AQR: variants seen among roughly 807,000 people sequenced by gnomAD.
AQR encodes the protein RNA helicase aquarius.
Under a neutral mutation model 180.5 loss-of-function variants are expected in AQR, and 61 were observed. The observed-to-expected ratio is 0.34, with a 90% CI of 0.28 to 0.42. The LOEUF (loss-of-function observed/expected upper bound fraction) is 0.42. AQR is among the 10% of genes least tolerant of loss of function. The pLI, the probability that AQR is intolerant of heterozygous loss-of-function variation, is 1.00. For synonymous variants in AQR, 551 were observed against 588.8 expected, an observed-to-expected ratio of 0.94 and a Z score of 0.93; for missense variants, 1,281 against 1,798.3, an observed-to-expected ratio of 0.71 and a Z score of 5.20.
chr15:34,944,041 A>G (rs1894070790), intron 6 of AQR, among the ~76,000 whole-genome samples: 1 of 152,208 alleles, frequency 6.6e-6, no homozygotes, highest in Non-Finnish European at 1.5e-5. Flanking sequence ...TTTTCTTAAG[A>G]GTCTAGATAG....
Position 34,904,321 on chromosome 15 carries a change from A to T in AQR, c.2001+15T>A. 6.5e-7 allele frequency: 1 copy of T among 1,545,886 alleles called. No individual in the cohort carries two copies. The highest frequency in any genetic ancestry group is 1.4e-5 in the African/African-American group (1 of 72,504). On this transcript the variant is annotated intron_variant, in intron 19 of 34. Coordinates refer to ENST00000156471, the MANE Select transcript of AQR (RefSeq NM_014691.3). ...ATTATGACATAGTACTTTTAGTTAC[A>T]TACCCCCAAATTACCTTAAAGTTAT... is the stretch of plus-strand genomic sequence containing the variant.
At chr15:34,952,408 T>C (rs1057252164) in intron 4 of AQR, among the ~76,000 whole-genome samples, 3 of 152,246 alleles carry the variant, frequency 2.0e-5, no homozygotes, top group Non-Finnish European at 4.4e-5. Flanking sequence ...ACAACAATCC[T>C]GGCTCTTATT....
rs1385103196 is a variant in AQR, at chr15:34,946,436, G to GGC, written c.330+1827_330+1828insGC. 1.9e-3 allele frequency among the ~76,000 whole-genome samples: 267 copies of GGC among 142,894 alleles called. 27 individuals are homozygous for GGC. Among genetic ancestry groups the GGC allele is most frequent in the Middle Eastern group, 4.1e-3 (1 of 244 alleles). The allele number at this position is 142,894 out of a possible 152,430, so 93.7% of individuals were successfully genotyped here. ...GCCCCGTCCGGGAGGGAGGTGGGGG[G>GGC]GGTCAGCCCCCCGCCCGGCCAGCCG... On this transcript the variant is annotated intron_variant, in intron 5 of 34. Transcript: ENST00000156471.
At position 34,903,862 on chromosome 15, in the gene AQR, C is replaced by T. The variant is rs142103143; in HGVS notation, c.2001+474G>A. ...AAAGTAGAACTTTGAGCCACCAAAC[C>T]TCCCTTTCCTACTAATGAGTAAAAA... On this transcript the variant is annotated intron_variant, in intron 19 of 34. Coordinates refer to ENST00000156471, the MANE Select transcript of AQR (RefSeq NM_014691.3). Among the ~76,000 whole-genome samples the T allele has an allele frequency of 3.9e-4, 31 of 80,318 alleles. No homozygotes were observed. In the East Asian group the frequency reaches 9.1e-3, roughly 23 times the overall value. The allele number at this position is 80,318 out of a possible 152,430, so 52.7% of individuals were successfully genotyped here. A position where few individuals can be genotyped will look rare whatever the true frequency, so the allele number is the denominator to read the frequency against.
intron 19 of AQR, among the ~76,000 whole-genome samples, chr15:34,902,814 A>T (rs1418072543): frequency 1.3e-5 from 2 of 152,108 alleles, no homozygotes; most frequent in Non-Finnish European, 2.9e-5. Flanking sequence ...TCACTCAATA[A>T]ATGTTTATTA....
intron 13 of AQR, among the ~76,000 whole-genome samples, chr15:34,922,766 C>A (rs1893700564): frequency 6.6e-6 from 1 of 151,930 alleles, no homozygotes; most frequent in Admixed American, 6.6e-5. Context: ...CCTCAGCCTC[C>A]CAAAGTGCTG....
chr15:34,888,324 AGC>A, intron 24 of AQR, among the ~76,000 whole-genome samples: 1 of 151,336 alleles, frequency 6.6e-6, no homozygotes, highest in South Asian at 2.1e-4. Context: ...AATAAATAAA[AGC>A]AATATACAGT....
At chr15:34,912,612 A>G (rs1221440344) in intron 16 of AQR, among the ~76,000 whole-genome samples, 1 of 152,050 alleles carries the variant, frequency 6.6e-6, no homozygotes, top group East Asian at 1.9e-4. Flanking sequence ...GCATATTTAA[A>G]TCATTTAAAA....
chr15:34,896,864 C>A (rs76215673), intron 22 of AQR, 33 bp downstream of exon 22: 30 of 1,578,522 alleles, frequency 1.9e-5, no homozygotes, highest in Non-Finnish European at 2.6e-5. Context: ...AACAAACAAA[C>A]AAACAAACAA....
chr15:34,906,297 G>A (rs1306459688), intron 18 of AQR, among the ~76,000 whole-genome samples: 8 of 152,106 alleles, frequency 5.3e-5, no homozygotes, highest in Non-Finnish European at 1.2e-4. Flanking sequence ...CATGAACCCA[G>A]GAGGCAGAGG....
intron 22 of AQR, among the ~76,000 whole-genome samples, chr15:34,895,694 A>G (rs1297733641): frequency 1.3e-5 from 2 of 152,194 alleles, no homozygotes; most frequent in Non-Finnish European, 2.9e-5. Flanking sequence ...ATGAAGCTTC[A>G]AAATACATTA....
In AQR at chr15:34,946,036, C is replaced by T. The variant is rs143598067; in HGVS notation, c.331-1608G>A. Among the ~76,000 whole-genome samples the T allele has an allele frequency of 1.5e-3, 231 of 152,162 alleles. 2 individuals are homozygous for T. The highest frequency in any genetic ancestry group is 0.01 in the Middle Eastern group (3 of 294). On this transcript the variant is annotated intron_variant, in intron 5 of 34. Transcript: ENST00000156471. ...CTGTAATCCCAGCACTTTGGGAGGCCGAGGCGGGTGGATCATCTAAGGTCA... is the reference window on the plus strand; with the variant it reads ...CTGTAATCCCAGCACTTTGGGAGGCTGAGGCGGGTGGATCATCTAAGGTCA...
At chr15:34,905,103 G>A (rs1460912096) in intron 18 of AQR, among the ~76,000 whole-genome samples, 2 of 140,132 alleles carry the variant, frequency 1.4e-5, no homozygotes, top group Middle Eastern at 3.6e-3. Flanking sequence ...TTTTGGGGGG[G>A]GTGGGGGGAA....
Position 34,964,239 on chromosome 15 carries a change from T to C in AQR, c.127A>G (p.Ile43Val), listed in dbSNP as rs1227284138. 6.2e-7 allele frequency: 1 copy of C among 1,600,898 alleles called. No homozygotes were observed. The highest frequency in any genetic ancestry group is 8.5e-7 in the Non-Finnish European group (1 of 1,169,634). The change falls in exon 2 of 35, where the codon ATA becomes GTA. Residue 43 changes from isoleucine (I) to valine (V), a missense_variant. Ile to Val is a conservative substitution (Grantham distance 29, BLOSUM62 3). Transcript: ENST00000156471. ...TTGAAACCAAAAATACTTACCTTTA[T>C]ATCAAAAGGTGATTTCTTCTTGATG... is the stretch of plus-strand genomic sequence containing the variant. ...PHIKKKSPFD[I>V]KVIEDIYEKE...
chr15:34,947,549 AAAT>A (rs935595855), intron 5 of AQR, among the ~76,000 whole-genome samples: 1 of 146,970 alleles, frequency 6.8e-6, no homozygotes, highest in African/African-American at 2.6e-5. Flanking sequence ...AAATAAATAA[AAAT>A]AAAAATAAGA....
At chr15:34,921,421 G>C (rs112827616) in intron 13 of AQR, among the ~76,000 whole-genome samples, 2 of 135,668 alleles carry the variant, frequency 1.5e-5, no homozygotes, top group African/African-American at 5.8e-5. Flanking sequence ...GCAAAAGAGC[G>C]AGACTCCATC....
intron 23 of AQR, among the ~76,000 whole-genome samples, chr15:34,891,827 A>G (rs1031087206): frequency 6.6e-6 from 1 of 152,114 alleles, no homozygotes; most frequent in African/African-American, 2.4e-5. Flanking sequence ...AATTCAGTAT[A>G]TTAGATGCAT....
chr15:34,939,935 A>T (rs1293515740), intron 8 of AQR, among the ~76,000 whole-genome samples: 2 of 152,226 alleles, frequency 1.3e-5, no homozygotes, highest in Non-Finnish European at 2.9e-5. Flanking sequence ...TTGAGTGTGG[A>T]ATCTAGCTAA....
chr15:34,950,978 A>G (rs1023350162), intron 4 of AQR, among the ~76,000 whole-genome samples: 5 of 152,308 alleles, frequency 3.3e-5, no homozygotes, highest in Admixed American at 1.3e-4. Context: ...AATCTCTTAG[A>G]TGAGAAAACT....
Sources: gnomAD v4.1 joint callset for allele counts (sites outside exome capture counted in the v4.1 genomes callset) on GRCh38, gnomAD v4.1.1 for gene constraint, MANE v1.5 for transcripts, NCBI Gene and HGNC (gene_info 2026-07-23, HGNC 2026-07-21) for gene names.